Variants in BEGAIN observed in about 807,000 individuals in gnomAD.
The protein encoded by BEGAIN is brain enriched guanylate kinase associated, also known as brain-enriched guanylate kinase-associated protein.
Under a neutral mutation model 35.8 loss-of-function variants are expected in BEGAIN, and 19 were observed. That is an observed-to-expected ratio of 0.53 (90% confidence interval 0.37 to 0.78). The LOEUF is 0.78. Among genes scored for constraint, BEGAIN ranks in the 30% least tolerant of loss-of-function variants. The pLI is 0.00. For missense variants in BEGAIN, 795 were observed against 853.6 expected, an observed-to-expected ratio of 0.93 and a Z score of 0.85; for synonymous variants, 462 against 388.6, an observed-to-expected ratio of 1.19 and a Z score of -2.22.
In BEGAIN at chr14:100,567,530, C is replaced by T. The variant is rs1056217781; in HGVS notation, c.71+381G>A. On this transcript the variant is annotated intron_variant, in intron 2 of 6. Transcript: ENST00000554140. This position sits in a 1 kb window ranked among gnomAD's most constrained non-coding sequence, Gnocchi z 5.1. ...GGGGTGGGGTCGGGGGAGAGAGCGC[C>T]GGGGCAGTGCGGAACGGCACGAACG... Among the ~76,000 whole-genome samples, 12 of 151,918 alleles carry T rather than the reference C, an allele frequency of 7.9e-5. No homozygotes were observed. Among genetic ancestry groups the T allele is most frequent in the Non-Finnish European group, 1.5e-4 (10 of 67,906 alleles).
chr14:100,539,037 C>G lies in BEGAIN; in HGVS notation c.771G>C (p.Glu257Asp), dbSNP rs2031119036. The change falls in exon 7 of 7, where the codon GAG becomes GAC. Residue 257 changes from glutamate (E) to aspartate (D), a missense_variant. By Grantham distance (45) the Glu-to-Asp change is conservative. Transcript: ENST00000554140. Reference protein sequence around the residue: ...CSDTALYCPEERRRDRRPSVD... With the variant: ...CSDTALYCPEDRRRDRRPSVD... ...CGCTAGGCCGCCGGTCTCGCCGCCG[C>G]TCCTCCGGGCAGTAGAGGGCTGTGT... The G allele has an allele frequency of 6.2e-7, 1 of 1,612,064 alleles. No homozygotes were observed. The highest frequency in any genetic ancestry group is 1.7e-5 in the Admixed American group (1 of 59,938).
chr14:100,557,165 C>G (rs1482312233), intron 2 of BEGAIN, among the ~76,000 whole-genome samples: 2 of 151,380 alleles, frequency 1.3e-5, no homozygotes, highest in Non-Finnish European at 2.9e-5. Context: ...CAGGGCGGGC[C>G]AAACCCAGGC....
At chr14:100,572,018 C>A (rs943674974) in intron 1 of BEGAIN, among the ~76,000 whole-genome samples, 5 of 152,186 alleles carry the variant, frequency 3.3e-5, no homozygotes, top group Non-Finnish European at 7.4e-5. Flanking sequence ...TTGGCCTGAA[C>A]GAATGCAGTG....
At chr14:100,544,005 C>G (rs1406320296) in intron 4 of BEGAIN, 40 bp from the exon 5 acceptor site, 1 of 1,524,022 alleles carries the variant, frequency 6.6e-7, no homozygotes, top group Admixed American at 1.9e-5. Context: ...CCGTGGTTGG[C>G]TCCTGGTGAG....
chr14:100,583,172 A>G (rs376992638), intron 1 of BEGAIN, among the ~76,000 whole-genome samples: 3 of 151,274 alleles, frequency 2.0e-5, no homozygotes, highest in Middle Eastern at 3.4e-3. Context: ...ATGTCTGTCC[A>G]TTCCTCTGTT....
At chr14:100,547,499 G>A (rs2032682279) in intron 2 of BEGAIN, 1 of 152,302 alleles carries the variant, frequency 6.6e-6, no homozygotes, top group African/African-American at 2.4e-5. Flanking sequence ...CAATTCACCT[G>A]AACTAAAGCT....
chr14:100,568,157 G>T lies in BEGAIN; in HGVS notation c.43-218C>A. ...GCCGAGTAACAGGTGAGCCCGCCCG[G>T]GCCGCCGCGCTCCCCGCACCGAGTT... On this transcript the variant is annotated intron_variant, in intron 1 of 6. Coordinates refer to ENST00000554140, the MANE Select transcript of BEGAIN (RefSeq NM_001385089.1). The surrounding 1 kb of genome is among the most constrained non-coding windows in gnomAD (Gnocchi z 7.5). 1.1e-6 allele frequency: 1 copy of T among 932,310 alleles called. No individual in the cohort carries two copies. The highest frequency in any genetic ancestry group is 1.3e-6 in the Non-Finnish European group (1 of 777,410). 57.8% of individuals were successfully genotyped at this position (932,310 alleles called of 1,614,324 possible).
intron 2 of BEGAIN, among the ~76,000 whole-genome samples, chr14:100,557,759 C>T (rs868037028): frequency 6.6e-6 from 1 of 152,178 alleles, no homozygotes; most frequent in Admixed American, 6.5e-5. Flanking sequence ...TGCCATTCCC[C>T]TCGACTTTCC....
chr14:100,583,591 C>T (rs955792935), intron 1 of BEGAIN, among the ~76,000 whole-genome samples: 17 of 152,102 alleles, frequency 1.1e-4, no homozygotes, highest in South Asian at 2.1e-4. Flanking sequence ...TTGCTACTTA[C>T]ATCCATCAAC....
chr14:100,551,159 C>A (rs974909355), intron 2 of BEGAIN, among the ~76,000 whole-genome samples: 1 of 152,184 alleles, frequency 6.6e-6, no homozygotes, highest in Non-Finnish European at 1.5e-5. Flanking sequence ...GCCCCGGGGC[C>A]CCTGCTCCCC....
In BEGAIN at chr14:100,546,778, GCGCACACACACACA is replaced by G. The variant is rs1477321106; in HGVS notation, c.72-130_72-117del. On this transcript the variant is annotated intron_variant, in intron 2 of 6. Transcript: ENST00000554140. ...CGCGAGTACCGGCGCGCGCGCGCGC[GCGCACACACACACA>G]CACACACACACACACACACACTCAC... 2.9e-3 allele frequency: 1,556 copies of G among 542,188 alleles called. 20 individuals are homozygous for G. The African/African-American group carries it at 0.038, about 13-fold the overall frequency. 33.6% of individuals were successfully genotyped at this position (542,188 alleles called of 1,614,324 possible). A position where few individuals can be genotyped will look rare whatever the true frequency, so the allele number is the denominator to read the frequency against.
chr14:100,551,632 T>G (rs901477122), intron 2 of BEGAIN, among the ~76,000 whole-genome samples: 2 of 152,254 alleles, frequency 1.3e-5, no homozygotes, highest in African/African-American at 4.8e-5. Flanking sequence ...TATACTTTTC[T>G]GAATGTGTCA....
chr14:100,538,024 A>T lies in BEGAIN; in HGVS notation c.1784T>A (p.Leu595Gln). 6.2e-7 allele frequency: 1 copy of T among 1,608,146 alleles called. No individual in the cohort carries two copies. The change falls in exon 7 of 7, where the codon CTG becomes CAG. Residue 595 changes from leucine (L) to glutamine (Q), a missense_variant. Leu to Gln is a moderately radical substitution (Grantham distance 113). Coordinates refer to ENST00000554140, the MANE Select transcript of BEGAIN (RefSeq NM_001385089.1). ...QAFPRTGGSG[L>Q]SRKDSLTKAQ... ...CTTGGTGAGGCTGTCCTTGCGGCTC[A>T]GCCCCGAGCCACCAGTCCGCGGAAA...
At position 100,539,032 on chromosome 14, in the gene BEGAIN, C is replaced by G. The variant is rs374894315; in HGVS notation, c.776G>C (p.Arg259Pro). Residue 259 changes from arginine to proline, a missense_variant, in exon 7 of 7, where the codon CGG becomes CCG. Around this residue, in one of 3 missense-constraint regions of BEGAIN, gnomAD observed 664 missense variants for 647.7 expected, o/e 1.03. Coordinates refer to ENST00000554140, the MANE Select transcript of BEGAIN (RefSeq NM_001385089.1). The part of the protein sequence containing the change: ...DTALYCPEER[R>P]RDRRPSVDAP... ...GTCCACGCTAGGCCGCCGGTCTCGC[C>G]GCCGCTCCTCCGGGCAGTAGAGGGC... 3.0e-5 allele frequency: 48 copies of G among 1,611,834 alleles called. No homozygotes were observed. Among genetic ancestry groups the G allele is most frequent in the Non-Finnish European group, 3.1e-5 (37 of 1,179,478 alleles).
At chr14:100,577,150 C>T (rs1362630330) in intron 1 of BEGAIN, among the ~76,000 whole-genome samples, 1 of 152,238 alleles carries the variant, frequency 6.6e-6, no homozygotes, top group African/African-American at 2.4e-5. Flanking sequence ...TGCCCCAAAG[C>T]CAGAAATTTC....
intron 2 of BEGAIN, among the ~76,000 whole-genome samples, chr14:100,557,927 C>A (rs957630775): frequency 6.6e-6 from 1 of 152,180 alleles, no homozygotes; most frequent in African/African-American, 2.4e-5. Context: ...TCCACATGCC[C>A]CACCTACCAG....
Position 100,539,383 on chromosome 14 carries a change from C to G in BEGAIN, c.493-68G>C, listed in dbSNP as rs1422096859. 2.0e-6 allele frequency: 3 copies of G among 1,494,566 alleles called. No homozygotes were observed. In the African/African-American group the frequency reaches 4.2e-5, roughly 21 times the overall value. 92.6% of individuals were successfully genotyped at this position (1,494,566 alleles called of 1,614,324 possible). On this transcript the variant is annotated intron_variant, in intron 6 of 6. Coordinates refer to ENST00000554140, the MANE Select transcript of BEGAIN (RefSeq NM_001385089.1). The stretch of plus-strand genomic sequence containing the variant: ...TGTTAGCATGGCAGCCCAGCCCTGG[C>G]CCTGAAGCTGAGGACTGATGTTAGC...
At chr14:100,539,546 C>T (rs1456042532) in intron 6 of BEGAIN, among the ~76,000 whole-genome samples, 1 of 152,168 alleles carries the variant, frequency 6.6e-6, no homozygotes, top group East Asian at 1.9e-4. Context: ...TCCTGGGTCA[C>T]CTCTCCCCAC....
At chr14:100,552,738 G>T (rs2033327180) in intron 2 of BEGAIN, among the ~76,000 whole-genome samples, 1 of 152,242 alleles carries the variant, frequency 6.6e-6, no homozygotes, top group Non-Finnish European at 1.5e-5. Context: ...GCCCCAGCGG[G>T]AGCCAGTAGA....
Sources: gnomAD v4.1 joint callset for allele counts (sites outside exome capture counted in the v4.1 genomes callset) on GRCh38, gnomAD v4.1.1 for gene constraint, gnomAD v4.1.1 regional missense constraint, Gnocchi (gnomAD v3.1) non-coding constraint, MANE v1.5 for transcripts, NCBI Gene and HGNC (gene_info 2026-07-23, HGNC 2026-07-21) for gene names.